The following RORA variants were observed in gnomAD, a reference collection of about 807,000 sequenced individuals.
RORA encodes the protein RAR related orphan receptor A.
RORA carries 7 observed loss-of-function variants against 69.5 expected under a neutral mutation model. That is an observed-to-expected ratio of 0.10 (90% CI 0.06 to 0.19). RORA has a LOEUF of 0.19. Among genes scored for constraint, RORA ranks in the 10% least tolerant of loss-of-function variants. RORA has a pLI of 1.00. For missense variants in RORA, 457 were observed against 663.0 expected (o/e 0.69, Z 3.41); for synonymous variants, 261 against 240.8 (o/e 1.08, Z -0.78).
Position 60,763,096 on chromosome 15 carries a change from T to TTTTTTTTTTTA in RORA, c.167-84411_167-84410insTAAAAAAAAAA, listed in dbSNP as rs375632043. On this transcript the variant is annotated intron_variant, in intron 1 of 10. Coordinates refer to ENST00000335670, the MANE Select transcript of RORA (RefSeq NM_134261.3). ...TTTTTTTTTTTTTTTTTTTTTTTTT[T>TTTTTTTTTTTA]AACCAACCTACCAAAGCAAAGGCAG... Among the ~76,000 whole-genome samples, 18 of 109,432 alleles carry TTTTTTTTTTTA rather than the reference T, an allele frequency of 1.6e-4. 1 individual carries two copies. The highest frequency in any genetic ancestry group is 4.8e-4 in the Admixed American group (4 of 8,250). The allele number at this position is 109,432 out of a possible 152,430, so 71.8% of individuals were successfully genotyped here.
intron 1 of RORA, among the ~76,000 whole-genome samples, chr15:61,156,151 T>C (rs1567015045): frequency 6.6e-6 from 1 of 152,138 alleles, no homozygotes; most frequent in Non-Finnish European, 1.5e-5. Context: ...GCCAGTTCCT[T>C]GTCACTTCTC....
intron 1 of RORA, among the ~76,000 whole-genome samples, chr15:60,726,293 C>T (rs2071356137): frequency 6.6e-6 from 1 of 152,028 alleles, no homozygotes; most frequent in Non-Finnish European, 1.5e-5. Context: ...GTCATGCTGG[C>T]AAGTCTAAGA....
intron 1 of RORA, among the ~76,000 whole-genome samples, chr15:60,709,607 C>G (rs908928413): frequency 3.3e-5 from 5 of 151,558 alleles, no homozygotes; most frequent in African/African-American, 1.2e-4. Flanking sequence ...GAAGTGCACA[C>G]GTGAGGGATC....
chr15:60,818,028 G>A (rs1567201483), intron 1 of RORA, among the ~76,000 whole-genome samples: 2 of 151,990 alleles, frequency 1.3e-5, no homozygotes, highest in Non-Finnish European at 2.9e-5. Flanking sequence ...TACGGATGAA[G>A]AAATGAAAAA....
chr15:61,053,510 A>C (rs1271216650), intron 1 of RORA, among the ~76,000 whole-genome samples: 2 of 152,004 alleles, frequency 1.3e-5, no homozygotes, highest in Non-Finnish European at 2.9e-5. Flanking sequence ...GCTGCCATGA[A>C]GGCTCTGATC....
At chr15:60,774,862 T>A (rs1039044665) in intron 1 of RORA, among the ~76,000 whole-genome samples, 1 of 152,248 alleles carries the variant, frequency 6.6e-6, no homozygotes. Context: ...TAGATTCTAT[T>A]ACAAAACAAC....
At chr15:61,009,759 G>T (rs940355735) in intron 1 of RORA, among the ~76,000 whole-genome samples, 7 of 152,170 alleles carry the variant, frequency 4.6e-5, no homozygotes, top group Non-Finnish European at 8.8e-5. Flanking sequence ...GTCCTGACAT[G>T]ATTAACCTGG....
At chr15:60,603,617 G>T (rs2068870961) in intron 2 of RORA, among the ~76,000 whole-genome samples, 1 of 152,198 alleles carries the variant, frequency 6.6e-6, no homozygotes, top group Non-Finnish European at 1.5e-5. Context: ...TTTGTTTTAT[G>T]TGTGTTTCTG....
At chr15:61,174,205 T>C (rs1404035321) in intron 1 of RORA, among the ~76,000 whole-genome samples, 2 of 152,186 alleles carry the variant, frequency 1.3e-5, no homozygotes, top group East Asian at 1.9e-4. Context: ...AAAGGTCTCC[T>C]CTGGAAAGCC....
chr15:61,006,681 C>G (rs568089038), intron 1 of RORA, among the ~76,000 whole-genome samples: 5 of 152,250 alleles, frequency 3.3e-5, no homozygotes, highest in African/African-American at 1.2e-4. Context: ...CCATCAGACA[C>G]AGTTGGAATT....
At chr15:61,088,888 A>G (rs926690456) in intron 1 of RORA, among the ~76,000 whole-genome samples, 1 of 152,182 alleles carries the variant, frequency 6.6e-6, no homozygotes, top group African/African-American at 2.4e-5. Flanking sequence ...AAAATCTCCC[A>G]ATCACCCATG....
chr15:60,917,051 G>A (rs1282273808), intron 1 of RORA, among the ~76,000 whole-genome samples: 7 of 152,206 alleles, frequency 4.6e-5, no homozygotes, highest in East Asian at 1.9e-4. Flanking sequence ...GGCTTCCAGA[G>A]CCCAAAACCC....
At chr15:60,855,141 C>T (rs527681888) in intron 1 of RORA, among the ~76,000 whole-genome samples, 3 of 152,192 alleles carry the variant, frequency 2.0e-5, no homozygotes, top group Non-Finnish European at 4.4e-5. Context: ...CATATAACTT[C>T]TTGGGAGACA....
intron 1 of RORA, among the ~76,000 whole-genome samples, chr15:60,965,122 T>C (rs533992523): frequency 2.2e-4 from 34 of 152,288 alleles, no homozygotes; most frequent in African/African-American, 8.2e-4. Flanking sequence ...TATCCCTCAA[T>C]GAAGATACCT....
chr15:60,808,911 T>C (rs1413361371), intron 1 of RORA, among the ~76,000 whole-genome samples: 2 of 152,082 alleles, frequency 1.3e-5, no homozygotes, highest in African/African-American at 4.8e-5. Context: ...CTAAGTGAAG[T>C]AACTCAGGAA....
At chr15:60,605,878 A>G (rs2068934556) in intron 2 of RORA, among the ~76,000 whole-genome samples, 1 of 152,260 alleles carries the variant, frequency 6.6e-6, no homozygotes, top group Non-Finnish European at 1.5e-5. Flanking sequence ...CCTAGGGTTT[A>G]AAACATCATT....
chr15:60,745,338 C>CT (rs2071632165), intron 1 of RORA, among the ~76,000 whole-genome samples: 2 of 152,210 alleles, frequency 1.3e-5, no homozygotes, highest in African/African-American at 4.8e-5. Context: ...CCGTCACTCC[C>CT]AGGATCCGCA....
At chr15:60,896,026 A>T (rs1021478774) in intron 1 of RORA, among the ~76,000 whole-genome samples, 1 of 152,142 alleles carries the variant, frequency 6.6e-6, no homozygotes, top group Admixed American at 6.5e-5. Context: ...CATCTTATTC[A>T]TTCTCTTATA....
At position 60,905,492 on chromosome 15, in the gene RORA, GTTAA is replaced by G. The variant is rs536458639; in HGVS notation, c.167-226810_167-226807del. 1.7e-3 allele frequency among the ~76,000 whole-genome samples: 265 copies of G among 152,216 alleles called. No homozygotes were observed. Among genetic ancestry groups the G allele is most frequent in the African/African-American group, 6.1e-3 (255 of 41,510 alleles). ...CAGCTGCTCTATAAGGTATTCAATG[GTTAA>G]TTAAGACACGAGTGTCATTGCTGAG... is the stretch of plus-strand genomic sequence containing the variant. On this transcript the variant is annotated intron_variant, in intron 1 of 10. Coordinates refer to ENST00000335670, the MANE Select transcript of RORA (RefSeq NM_134261.3). This position sits in a 1 kb window ranked among gnomAD's most constrained non-coding sequence, Gnocchi z 4.8.
Sources: gnomAD v4.1 joint callset for allele counts (sites outside exome capture counted in the v4.1 genomes callset) on GRCh38, gnomAD v4.1.1 for gene constraint, Gnocchi (gnomAD v3.1) non-coding constraint, MANE v1.5 for transcripts, NCBI Gene and HGNC (gene_info 2026-07-23, HGNC 2026-07-21) for gene names.